The following SLC25A12 variants were observed in gnomAD, a reference collection of about 807,000 sequenced individuals.
SLC25A12 encodes the protein electrogenic aspartate/glutamate antiporter SLC25A12, mitochondrial.
In SLC25A12, 32 loss-of-function variants were observed where a neutral mutation model predicts 83.3. The ratio of observed to expected loss-of-function variants is 0.38; its 90% CI spans 0.29 to 0.52. The LOEUF is 0.52. Ranked by LOEUF, SLC25A12 falls within the 20% of genes least tolerant of loss-of-function variation. SLC25A12 has a pLI of 0.84. For missense variants in SLC25A12, 611 were observed against 835.6 expected (o/e 0.73, Z 3.31); for synonymous variants, 267 against 291.1 (o/e 0.92, Z 0.84).
intron 3 of SLC25A12, 137 bp downstream of exon 3, chr2:171,868,544 C>T: frequency 2.6e-6 from 2 of 782,688 alleles, no homozygotes; most frequent in South Asian, 2.8e-5. Flanking sequence ...AAACTCCCGA[C>T]CTCAGGTGAT....
At chr2:171,868,579 G>T (rs1196963780) in intron 3 of SLC25A12, 102 bp downstream of exon 3, 6 of 1,183,010 alleles carry the variant, frequency 5.1e-6, no homozygotes, top group African/African-American at 3.0e-5. Flanking sequence ...CTTCCAAAGC[G>T]CTGGGATTAC....
intron 8 of SLC25A12, among the ~76,000 whole-genome samples, chr2:171,833,550 C>T (rs987944225): frequency 2.0e-5 from 3 of 152,170 alleles, no homozygotes; most frequent in Non-Finnish European, 4.4e-5. Flanking sequence ...GGATTACAGG[C>T]GTGAGCCACT....
chr2:171,851,719 G>A (rs970811953), intron 4 of SLC25A12, among the ~76,000 whole-genome samples: 1 of 152,038 alleles, frequency 6.6e-6, no homozygotes, highest in Admixed American at 6.6e-5. Context: ...GTTTTTAGTA[G>A]AGATGGGGTT....
chr2:171,785,981 C>T (rs1417321921), intron 17 of SLC25A12, among the ~76,000 whole-genome samples: 2 of 151,980 alleles, frequency 1.3e-5, no homozygotes, highest in Admixed American at 6.5e-5. Context: ...GCACTTAGCA[C>T]ATATGAAAGT....
At chr2:171,839,917 C>G (rs531201512) in intron 5 of SLC25A12, among the ~76,000 whole-genome samples, 3 of 152,228 alleles carry the variant, frequency 2.0e-5, no homozygotes, top group Non-Finnish European at 2.9e-5. Context: ...AATAAGGCCT[C>G]CACCCTTTCC....
chr2:171,813,440 TG>T lies in SLC25A12; in HGVS notation c.1069del (p.Gln357SerfsTer11). On this transcript the variant is annotated frameshift_variant, in exon 11 of 18. Coordinates refer to ENST00000422440, the MANE Select transcript of SLC25A12 (RefSeq NM_003705.5). LOFTEE classifies it high-confidence loss of function. ...IDLVKTRMQN[Q>X]RGSGSVVGEL... ...CCCAACAACAGAGCCAGAGCCACGC[TG>T]GTTTTGCATTCGGGTCTTCACCAGA... 6.2e-7 allele frequency: 1 copy of T among 1,614,138 alleles called. No individual in the cohort carries two copies. The highest frequency in any genetic ancestry group is 8.5e-7 in the Non-Finnish European group (1 of 1,179,980).
At chr2:171,799,404 G>A (rs769628653) in intron 13 of SLC25A12, among the ~76,000 whole-genome samples, 2 of 152,178 alleles carry the variant, frequency 1.3e-5, no homozygotes, top group Non-Finnish European at 2.9e-5. Flanking sequence ...GATGAGAGGT[G>A]GAAGAGCTGT....
chr2:171,823,446 C>T (rs1684234055), intron 9 of SLC25A12, among the ~76,000 whole-genome samples: 1 of 152,158 alleles, frequency 6.6e-6, no homozygotes. Flanking sequence ...GATCAGATTT[C>T]ACAATGGCCA....
chr2:171,838,690 T>C (rs77436283), intron 5 of SLC25A12, among the ~76,000 whole-genome samples: 3,201 of 152,302 alleles, frequency 0.021, 53 homozygotes, highest in Middle Eastern at 0.037. Flanking sequence ...GAATAGATTG[T>C]CTGTTTTCTA....
At chr2:171,823,587 C>A (rs957288966) in intron 9 of SLC25A12, among the ~76,000 whole-genome samples, 3 of 152,284 alleles carry the variant, frequency 2.0e-5, no homozygotes, top group Admixed American at 6.5e-5. Context: ...GGAAAATATA[C>A]ACTTAAGACC....
At chr2:171,877,591 G>A (rs1255075742) in intron 2 of SLC25A12, among the ~76,000 whole-genome samples, 1 of 151,108 alleles carries the variant, frequency 6.6e-6, no homozygotes, top group Admixed American at 6.6e-5. Flanking sequence ...CTTGAACCCA[G>A]GAGGCGGAGG....
intron 3 of SLC25A12, among the ~76,000 whole-genome samples, chr2:171,860,475 G>A (rs1685131224): frequency 6.6e-6 from 1 of 152,042 alleles, no homozygotes; most frequent in African/African-American, 2.4e-5. Context: ...AGTGGCACAT[G>A]CCTGTAATCC....
intron 3 of SLC25A12, among the ~76,000 whole-genome samples, chr2:171,863,254 G>A (rs577487739): frequency 9.9e-5 from 15 of 152,084 alleles, no homozygotes; most frequent in South Asian, 2.1e-4. Context: ...GGCCAGGTGC[G>A]GTGGCTTATG....
chr2:171,834,596 A>C (rs1255010843), intron 7 of SLC25A12, 131 bp downstream of exon 7: 8 of 1,038,552 alleles, frequency 7.7e-6, no homozygotes, highest in Non-Finnish European at 1.2e-5. Flanking sequence ...AGCCCAAGTA[A>C]AGCATACATA....
chr2:171,872,492 C>T (rs1280120339), intron 2 of SLC25A12, among the ~76,000 whole-genome samples: 1 of 151,764 alleles, frequency 6.6e-6, no homozygotes, highest in Non-Finnish European at 1.5e-5. Context: ...TGAGGAAGAC[C>T]GCTGCAACTG....
intron 14 of SLC25A12, 150 bp from the exon 15 acceptor site, chr2:171,791,739 G>A: frequency 1.3e-6 from 1 of 756,424 alleles, no homozygotes; most frequent in Non-Finnish European, 2.4e-6. Flanking sequence ...GAACTGATGT[G>A]CAAGGGAAAT....
At chr2:171,815,321 C>A in intron 9 of SLC25A12, 119 bp from the exon 10 acceptor site, 1 of 703,494 alleles carries the variant, frequency 1.4e-6, no homozygotes, top group Admixed American at 2.2e-5. Flanking sequence ...ATTGTTAATG[C>A]AGTAATATCT....
rs368637605 is a variant in SLC25A12, at chr2:171,869,116, A to G, written c.67-293T>C. On this transcript the variant is annotated intron_variant, in intron 2 of 17. Coordinates refer to ENST00000422440, the MANE Select transcript of SLC25A12 (RefSeq NM_003705.5). Reference sequence around the variant, plus strand: ...TGTGATACTATTAAGTGGCATGTCCACAATAGGCAAGACCATAGAATCAGA... The same window carrying G: ...TGTGATACTATTAAGTGGCATGTCCGCAATAGGCAAGACCATAGAATCAGA... Among the ~76,000 whole-genome samples the G allele has an allele frequency of 1.8e-4, 28 of 152,340 alleles. No individual in the cohort carries two copies. In the East Asian group the frequency reaches 4.6e-3, roughly 25 times the overall value.
chr2:171,788,889 G>C (rs191081342), intron 15 of SLC25A12: 3 of 152,308 alleles, frequency 2.0e-5, no homozygotes, highest in African/African-American at 4.8e-5. Context: ...CTCAGTTCCT[G>C]CTAGCAAAGC....
Sources: gnomAD v4.1 joint callset for allele counts (sites outside exome capture counted in the v4.1 genomes callset) on GRCh38, gnomAD v4.1.1 for gene constraint, MANE v1.5 for transcripts, NCBI Gene and HGNC (gene_info 2026-07-23, HGNC 2026-07-21) for gene names.